Variants in ADCK1 observed in about 807,000 individuals in gnomAD.
ADCK1 encodes the protein aarF domain containing kinase 1.
A neutral mutation model predicts 52.3 loss-of-function variants in ADCK1; 41 were observed. The observed-to-expected ratio is 0.78, with a 90% CI of 0.61 to 1.02. The LOEUF (loss-of-function observed/expected upper bound fraction) is 1.02. Among genes scored for constraint, ADCK1 ranks in the 50% least tolerant of loss-of-function variants. ADCK1 has a pLI of 0.00. For synonymous variants in ADCK1, 250 were observed against 274.6 expected, an observed-to-expected ratio of 0.91 and a Z score of 0.89; for missense variants, 658 against 679.5, an observed-to-expected ratio of 0.97 and a Z score of 0.35.
intron 3 of ADCK1, among the ~76,000 whole-genome samples, chr14:77,853,147 G>A (rs181656655): frequency 2.0e-5 from 3 of 151,098 alleles, no homozygotes; most frequent in African/African-American, 4.9e-5. Flanking sequence ...CTAAAAGTTT[G>A]ATAGGGTTCT....
chr14:77,932,139 C>T (rs1241318745), intron 10 of ADCK1, among the ~76,000 whole-genome samples: 1 of 149,598 alleles, frequency 6.7e-6, no homozygotes, highest in Non-Finnish European at 1.5e-5. Context: ...ACCTTCATCT[C>T]CCGAATTCAA....
intron 2 of ADCK1, among the ~76,000 whole-genome samples, chr14:77,820,529 G>A (rs7401295): frequency 0.62 from 92,977 of 150,972 alleles, 29,395 homozygotes; most frequent in Middle Eastern, 0.7. Context: ...ATAGGGTTTC[G>A]CTATGTTGCC....
chr14:77,891,732 G>A (rs1176439185), intron 5 of ADCK1, among the ~76,000 whole-genome samples: 2 of 152,082 alleles, frequency 1.3e-5, no homozygotes, highest in Admixed American at 1.3e-4. Flanking sequence ...GGAGGCCTGA[G>A]GCCACCACCC....
In ADCK1 at chr14:77,933,076, T is replaced by C. The variant is rs2084375542; in HGVS notation, c.1401-144T>C. ...CTCCCGATTGGGTAGTGGTATAGTA[T>C]GATCCTGTATCCAAGAGTAGTCCCT... is the stretch of plus-strand genomic sequence containing the variant. On this transcript the variant is annotated intron_variant, in intron 10 of 10. Coordinates refer to ENST00000238561, the MANE Select transcript of ADCK1 (RefSeq NM_020421.4). 5.4e-6 allele frequency: 4 copies of C among 734,364 alleles called. No individual in the cohort carries two copies. In the African/African-American group the frequency reaches 7.1e-5, roughly 13 times the overall value. 45.5% of individuals were successfully genotyped at this position (734,364 alleles called of 1,614,324 possible).
chr14:77,889,938 C>T (rs1350335493), intron 5 of ADCK1, among the ~76,000 whole-genome samples: 3 of 134,344 alleles, frequency 2.2e-5, no homozygotes, highest in African/African-American at 8.1e-5. Flanking sequence ...GGAAAAAAAA[C>T]TGTGCAAAAC....
At chr14:77,914,327 G>A in intron 7 of ADCK1, 7 of 791,778 alleles carry the variant, frequency 8.8e-6, no homozygotes, top group Non-Finnish European at 1.1e-5. Context: ...CACTTTAGTG[G>A]GGTTCGTGAA....
At chr14:77,896,993 A>G (rs2083424505) in intron 5 of ADCK1, among the ~76,000 whole-genome samples, 1 of 152,194 alleles carries the variant, frequency 6.6e-6, no homozygotes, top group South Asian at 2.1e-4. Context: ...CTTTAGATTG[A>G]TTTCTTTTGC....
At chr14:77,905,401 C>G (rs2083643068) in intron 6 of ADCK1, among the ~76,000 whole-genome samples, 1 of 149,300 alleles carries the variant, frequency 6.7e-6, no homozygotes, top group Admixed American at 6.7e-5. Context: ...ACCTCCGTCT[C>G]CCAGGTTCTA....
chr14:77,930,886 T>G (rs2084313542), intron 9 of ADCK1, among the ~76,000 whole-genome samples: 1 of 151,944 alleles, frequency 6.6e-6, no homozygotes, highest in Non-Finnish European at 1.5e-5. Flanking sequence ...CTGTGAAGAG[T>G]GTAGGGACAG....
chr14:77,843,653 C>T (rs890118753), intron 3 of ADCK1, among the ~76,000 whole-genome samples: 3 of 152,130 alleles, frequency 2.0e-5, no homozygotes, highest in Non-Finnish European at 4.4e-5. Context: ...AAATTTGCAG[C>T]CCATTTGCTG....
At position 77,854,820 on chromosome 14, in the gene ADCK1, A is replaced by G. The variant is rs556615909; in HGVS notation, c.220-4256A>G. Among the ~76,000 whole-genome samples, 3 of 152,276 alleles carry G rather than the reference A, an allele frequency of 2.0e-5. No homozygotes were observed. In the South Asian group the frequency reaches 6.2e-4, roughly 32 times the overall value. On this transcript the variant is annotated intron_variant, in intron 3 of 10. Coordinates refer to ENST00000238561, the MANE Select transcript of ADCK1 (RefSeq NM_020421.4). ...GTGATCCACCTGCATTGGCTCCCCA[A>G]AGTGCTGGGATTACAGGCGTCAGCC... is the stretch of plus-strand genomic sequence containing the variant.
At chr14:77,810,795 T>C (rs2081324856) in intron 1 of ADCK1, among the ~76,000 whole-genome samples, 1 of 152,138 alleles carries the variant, frequency 6.6e-6, no homozygotes, top group African/African-American at 2.4e-5. Context: ...CCTCCCAAAG[T>C]GCTGGGATTA....
intron 2 of ADCK1, among the ~76,000 whole-genome samples, chr14:77,819,402 C>G (rs1594871641): frequency 1.3e-5 from 2 of 152,208 alleles, no homozygotes; most frequent in South Asian, 4.1e-4. Context: ...GAAGCCTTTA[C>G]ATTTTAGGTT....
rs564770785 is a variant in ADCK1, at chr14:77,855,873, C to T, written c.220-3203C>T. Among the ~76,000 whole-genome samples the T allele has an allele frequency of 4.6e-5, 7 of 152,200 alleles. No homozygotes were observed. In the South Asian group the frequency reaches 1.5e-3, roughly 32 times the overall value. On this transcript the variant is annotated intron_variant, in intron 3 of 10. Transcript: ENST00000238561. ...CTGAAAAGGGATGATAAAAAAATTT[C>T]CCCCATTATCATAATATTTATTATT...
chr14:77,885,115 A>G (rs2083118797), intron 4 of ADCK1, among the ~76,000 whole-genome samples: 2 of 152,234 alleles, frequency 1.3e-5, no homozygotes, highest in African/African-American at 4.8e-5. Context: ...TTCAGCAGTG[A>G]CAGAACAGAC....
intron 1 of ADCK1, among the ~76,000 whole-genome samples, chr14:77,807,498 C>A (rs548595906): frequency 2.0e-5 from 3 of 151,478 alleles, no homozygotes; most frequent in African/African-American, 4.9e-5. Flanking sequence ...TGCGCCACCA[C>A]GCCCAGCTAA....
At chr14:77,906,798 TAA>T (rs1317566904) in intron 6 of ADCK1, among the ~76,000 whole-genome samples, 1 of 152,206 alleles carries the variant, frequency 6.6e-6, no homozygotes, top group African/African-American at 2.4e-5. Flanking sequence ...CCCTTTTTTT[TAA>T]ATCAAGGAAA....
intron 9 of ADCK1, among the ~76,000 whole-genome samples, 180 bp from the exon 10 acceptor site, chr14:77,931,338 A>G (rs1383643447): frequency 1.3e-5 from 2 of 152,184 alleles, no homozygotes; most frequent in African/African-American, 2.4e-5. Context: ...CAGGCTATAC[A>G]GTGCCTTGTG....
At chr14:77,835,580 C>T (rs2081943825) in intron 3 of ADCK1, among the ~76,000 whole-genome samples, 1 of 152,166 alleles carries the variant, frequency 6.6e-6, no homozygotes, top group South Asian at 2.1e-4. Flanking sequence ...CCTGGGGAGC[C>T]TTATAAAGCA....
Sources: allele counts gnomAD v4.1 joint callset (sites outside exome capture counted in the v4.1 genomes callset), GRCh38; gene constraint gnomAD v4.1.1; transcripts MANE v1.5; gene names NCBI Gene and HGNC (gene_info 2026-07-23, HGNC 2026-07-21).